Variants in STK3 observed in about 807,000 individuals in gnomAD.
The protein encoded by STK3 is serine/threonine kinase 3.
A neutral mutation model predicts 58.0 loss-of-function variants in STK3; 41 were observed. The ratio of observed to expected loss-of-function variants is 0.71; its 90% CI spans 0.55 to 0.92. STK3 has a LOEUF of 0.92. STK3 is among the 40% of genes least tolerant of loss of function. The probability of loss-of-function intolerance (pLI) is 0.00; values close to 1 mark genes in which losing one functional copy is unlikely to be tolerated. For missense variants in STK3, 479 were observed against 602.7 expected, an observed-to-expected ratio of 0.79 and a Z score of 2.15; for synonymous variants, 170 against 191.0, an observed-to-expected ratio of 0.89 and a Z score of 0.91.
Position 98,573,465 on chromosome 8 carries a change from G to C in STK3, c.948+6199C>G, listed in dbSNP as rs185751573. ...AACTCATTCACTATCACAAGAACGG[G>C]GTGGTTGTTCCCTGATTCAGTTACC... On this transcript the variant is annotated intron_variant, in intron 8 of 10. Coordinates refer to ENST00000419617, the MANE Select transcript of STK3 (RefSeq NM_006281.4). 1.9e-3 allele frequency among the ~76,000 whole-genome samples: 296 copies of C among 151,828 alleles called. 1 individual carries two copies. The highest frequency in any genetic ancestry group is 3.2e-3 in the Non-Finnish European group (217 of 67,914).
intron 1 of STK3, among the ~76,000 whole-genome samples, chr8:98,806,848 G>A (rs1833911963): frequency 6.6e-6 from 1 of 152,050 alleles, no homozygotes; most frequent in African/African-American, 2.4e-5. Context: ...AAGATTAGGT[G>A]GGCTGAACAC....
At chr8:98,755,285 A>C (rs1329207618) in intron 3 of STK3, among the ~76,000 whole-genome samples, 1 of 152,238 alleles carries the variant, frequency 6.6e-6, no homozygotes, top group Non-Finnish European at 1.5e-5. Context: ...ACACATTCAC[A>C]ATTTGGACCC....
chr8:98,357,684 G>C, the STK3 span, among the ~76,000 whole-genome samples: 1 of 152,218 alleles, frequency 6.6e-6, no homozygotes, highest in Non-Finnish European at 1.5e-5. Flanking sequence ...AATGGAGGGC[G>C]TGTTTCTCTT....
chr8:98,620,664 C>G (rs191328988), intron 6 of STK3, among the ~76,000 whole-genome samples: 170 of 150,808 alleles, frequency 1.1e-3, no homozygotes, highest in Non-Finnish European at 1.7e-3. Context: ...AAATGCAAGA[C>G]AAGAAGAAAG....
intron 3 of STK3, among the ~76,000 whole-genome samples, chr8:98,395,118 G>C (rs1303546782): frequency 6.6e-6 from 1 of 152,142 alleles, no homozygotes; most frequent in Non-Finnish European, 1.5e-5. Flanking sequence ...AGCAGGTATT[G>C]CACAAATATG....
intron 4 of STK3, among the ~76,000 whole-genome samples, chr8:98,736,667 C>A (rs1017953402): frequency 1.3e-5 from 2 of 152,104 alleles, no homozygotes; most frequent in African/African-American, 2.4e-5. Context: ...AATAAGATTT[C>A]TTTCAAAGAC....
intron 6 of STK3, among the ~76,000 whole-genome samples, chr8:98,611,609 C>A (rs559413398): frequency 6.6e-6 from 1 of 152,102 alleles, no homozygotes; most frequent in African/African-American, 2.4e-5. Flanking sequence ...ATATTAGTTT[C>A]TAACTCCAAA....
intron 8 of STK3, among the ~76,000 whole-genome samples, chr8:98,571,157 T>C (rs1434897137): frequency 6.6e-6 from 1 of 151,938 alleles, no homozygotes; most frequent in Non-Finnish European, 1.5e-5. Context: ...TGGCTAAACC[T>C]TGTCTCTACT....
intron 1 of STK3, among the ~76,000 whole-genome samples, chr8:98,897,715 T>G (rs1314090699): frequency 2.0e-5 from 3 of 152,238 alleles, no homozygotes; most frequent in Non-Finnish European, 4.4e-5. Context: ...ATGTGTGTGA[T>G]TCCTTAGTTC....
chr8:98,633,658 C>A, intron 6 of STK3: 1 of 709,736 alleles, frequency 1.4e-6, no homozygotes, highest in Non-Finnish European at 2.6e-6. Context: ...GAACTTGATC[C>A]TGTACAGAAA....
intron 6 of STK3, among the ~76,000 whole-genome samples, chr8:98,629,677 T>C (rs2130487727): frequency 6.6e-6 from 1 of 152,294 alleles, no homozygotes; most frequent in South Asian, 2.1e-4. Context: ...GATGGTAGTA[T>C]TAAAAAGACA....
At chr8:98,551,420 A>G (rs1472698164) in intron 8 of STK3, among the ~76,000 whole-genome samples, 1 of 152,176 alleles carries the variant, frequency 6.6e-6, no homozygotes, top group Non-Finnish European at 1.5e-5. Flanking sequence ...AGGGTTTGTG[A>G]AAGTTGTCAG....
At chr8:98,452,560 C>A (rs556633325), downstream of STK3, among the ~76,000 whole-genome samples, 1 of 152,126 alleles carries the variant, frequency 6.6e-6, no homozygotes, top group African/African-American at 2.4e-5. Context: ...AAGATGAAAC[C>A]CTGATTCACT....
At position 98,537,851 on chromosome 8, in the gene STK3, T is replaced by C. The variant is rs1172382122; in HGVS notation, c.1141+10118A>G. Among the ~76,000 whole-genome samples the C allele has an allele frequency of 4.6e-5, 7 of 152,126 alleles. No individual in the cohort carries two copies. The East Asian group carries it at 7.7e-4, about 17-fold the overall frequency. On this transcript the variant is annotated intron_variant, in intron 9 of 10. Coordinates refer to ENST00000419617, the MANE Select transcript of STK3 (RefSeq NM_006281.4). ...TTTTAAAGAAAAAGGTTGCTTTTCA[T>C]CTCCTTCATGCATCCCCAAAACATT...
At chr8:98,612,154 TA>T (rs1331292954) in intron 6 of STK3, among the ~76,000 whole-genome samples, 10 of 150,530 alleles carry the variant, frequency 6.6e-5, no homozygotes, top group Middle Eastern at 3.5e-3. Context: ...CATTGCTGTT[TA>T]AAAACTATGT....
At chr8:98,918,014 A>C (rs1466673644) in intron 1 of STK3, among the ~76,000 whole-genome samples, 1 of 152,234 alleles carries the variant, frequency 6.6e-6, no homozygotes, top group East Asian at 1.9e-4. Context: ...TATAGGGCAG[A>C]CATTGTTCTA....
intron 5 of STK3, 60 bp downstream of exon 5, chr8:98,707,087 G>GT: frequency 6.7e-7 from 1 of 1,497,754 alleles, no homozygotes; most frequent in South Asian, 1.4e-5. Flanking sequence ...TTGAAGTTTA[G>GT]TTATAATCAA....
intron 6 of STK3, among the ~76,000 whole-genome samples, chr8:98,643,441 T>TA (rs1286229679): frequency 6.6e-6 from 1 of 152,162 alleles, no homozygotes; most frequent in African/African-American, 2.4e-5. Flanking sequence ...AAGGCAGTCT[T>TA]ACCCCAGATG....
chr8:98,869,435 T>C (rs1439523614), intron 3 of STK3, among the ~76,000 whole-genome samples: 3 of 151,868 alleles, frequency 2.0e-5, no homozygotes, highest in Non-Finnish European at 2.9e-5. Context: ...AATAAATAAA[T>C]AAAATAAAAT....
Sources: allele counts gnomAD v4.1 joint callset (sites outside exome capture counted in the v4.1 genomes callset), GRCh38; gene constraint gnomAD v4.1.1; transcripts MANE v1.5; gene names NCBI Gene and HGNC (gene_info 2026-07-23, HGNC 2026-07-21).